NCOA3: variants seen among roughly 807,000 people sequenced by gnomAD.
NCOA3 encodes the protein nuclear receptor coactivator 3, also known as CBP-interacting protein.
In NCOA3, 51 loss-of-function variants were observed where a neutral mutation model predicts 158.8. The ratio of observed to expected loss-of-function variants is 0.32; its 90% CI spans 0.26 to 0.41. The LOEUF (loss-of-function observed/expected upper bound fraction) is 0.41. Among genes scored for constraint, NCOA3 ranks in the 10% least tolerant of loss-of-function variants. The probability of loss-of-function intolerance (pLI) is 1.00; values close to 1 mark genes in which losing one functional copy is unlikely to be tolerated. For synonymous variants in NCOA3, 537 were observed against 592.4 expected (o/e 0.91, Z 1.36); for missense variants, 1,510 against 1,746.6 (o/e 0.86, Z 2.41).
intron 19 of NCOA3, among the ~76,000 whole-genome samples, chr20:47,650,454 T>G (rs2086764312): frequency 1.3e-5 from 2 of 151,794 alleles, no homozygotes; most frequent in Non-Finnish European, 2.9e-5. Context: ...TTTCACCATT[T>G]TGGCCAGGCT....
chr20:47,542,377 A>T (rs981102584), intron 1 of NCOA3, among the ~76,000 whole-genome samples: 14 of 151,874 alleles, frequency 9.2e-5, no homozygotes, highest in Admixed American at 4.6e-4. Flanking sequence ...TTTGCAAAGT[A>T]TGTCTTTGTG....
chr20:47,599,297 A>G lies in NCOA3; in HGVS notation c.-20+16036A>G, dbSNP rs900059460. On this transcript the variant is annotated intron_variant, in intron 2 of 22. Transcript: ENST00000371998. ...ATGCCATTTATATTAAATGTCCTGA[A>G]TAGGTAAATCCATAAAGACGCAAAT... 8.5e-5 allele frequency among the ~76,000 whole-genome samples: 13 copies of G among 152,162 alleles called. 1 individual carries two copies. The highest frequency in any genetic ancestry group is 6.6e-4 in the Admixed American group (10 of 15,264).
chr20:47,586,086 A>AT (rs2085531558), intron 2 of NCOA3, among the ~76,000 whole-genome samples: 1 of 151,708 alleles, frequency 6.6e-6, no homozygotes, highest in Non-Finnish European at 1.5e-5. Flanking sequence ...TGCCCGGCTA[A>AT]TTTTGTATTT....
chr20:47,620,617 T>G (rs2086224367), intron 2 of NCOA3, among the ~76,000 whole-genome samples: 1 of 152,196 alleles, frequency 6.6e-6, no homozygotes, highest in African/African-American at 2.4e-5. Flanking sequence ...ACTCACTCAT[T>G]ATATATGCAA....
intron 2 of NCOA3, among the ~76,000 whole-genome samples, chr20:47,602,234 C>A (rs1470763711): frequency 6.6e-6 from 1 of 152,132 alleles, no homozygotes; most frequent in Non-Finnish European, 1.5e-5. Flanking sequence ...AATTTCATTA[C>A]CATAAAATTT....
intron 1 of NCOA3, among the ~76,000 whole-genome samples, chr20:47,519,398 C>T (rs1256418104): frequency 6.6e-6 from 1 of 151,492 alleles, no homozygotes; most frequent in East Asian, 1.9e-4. Flanking sequence ...CACCATTGTA[C>T]TCCAGCCTGG....
chr20:47,544,346 C>G, intron 1 of NCOA3, among the ~76,000 whole-genome samples: 1 of 115,496 alleles, frequency 8.7e-6, no homozygotes, highest in Admixed American at 1.1e-4. Context: ...TTCCCTTAAA[C>G]GCAGGGTCTC....
chr20:47,632,587 C>T (rs2086438226), intron 8 of NCOA3, among the ~76,000 whole-genome samples: 1 of 151,838 alleles, frequency 6.6e-6, no homozygotes. Context: ...GGGGTTTCAC[C>T]ATGTTGACCA....
At chr20:47,593,334 ATTTTTTTTTTTTTT>A (rs71183267) in intron 2 of NCOA3, among the ~76,000 whole-genome samples, 3 of 63,754 alleles carry the variant, frequency 4.7e-5, no homozygotes, top group South Asian at 6.0e-4. Flanking sequence ...GAGTTGATGG[ATTTTTTTTTTTTTT>A]TTTTTTTTTT....
At chr20:47,580,030 C>T (rs1464808470) in intron 1 of NCOA3, among the ~76,000 whole-genome samples, 2 of 152,144 alleles carry the variant, frequency 1.3e-5, no homozygotes, top group African/African-American at 4.8e-5. Flanking sequence ...TTAGATTCCA[C>T]CCATGGTTGC....
chr20:47,515,904 T>C (rs1453105717), intron 1 of NCOA3, among the ~76,000 whole-genome samples: 1 of 152,214 alleles, frequency 6.6e-6, no homozygotes, highest in African/African-American at 2.4e-5. Context: ...GAAGAAAACT[T>C]TAAGTTTTCA....
chr20:47,566,375 TTATATAGC>T (rs2085195351), intron 1 of NCOA3, among the ~76,000 whole-genome samples: 1 of 100,528 alleles, frequency 9.9e-6, no homozygotes, highest in Non-Finnish European at 2.7e-5. Context: ...AAATCCACCA[TTATATAGC>T]GCTATCTGTC....
chr20:47,560,694 G>GT (rs1164112464), intron 1 of NCOA3, among the ~76,000 whole-genome samples: 2 of 152,122 alleles, frequency 1.3e-5, no homozygotes, highest in Non-Finnish European at 2.9e-5. Context: ...TGTATCTTCA[G>GT]TGAGGTGTCT....
Position 47,545,962 on chromosome 20 carries a change from A to G in NCOA3, c.-98-37221A>G, listed in dbSNP as rs1462439378. On this transcript the variant is annotated intron_variant, in intron 1 of 22. Coordinates refer to ENST00000371998, the MANE Select transcript of NCOA3 (RefSeq NM_181659.3). ...ACTCCTGAGCTCAAGTGATCCTCCC[A>G]CCTCAACCTTCCAAAGTGTTGGGAT... 2.0e-5 allele frequency among the ~76,000 whole-genome samples: 3 copies of G among 151,292 alleles called. No homozygotes were observed. In the East Asian group the frequency reaches 5.9e-4, roughly 30 times the overall value.
At chr20:47,565,270 G>A (rs758456100) in intron 1 of NCOA3, among the ~76,000 whole-genome samples, 4 of 152,034 alleles carry the variant, frequency 2.6e-5, no homozygotes, top group African/African-American at 4.8e-5. Flanking sequence ...CATGAGCCAC[G>A]GTGCCTGGCC....
At chr20:47,616,106 C>T (rs2086127943) in intron 2 of NCOA3, among the ~76,000 whole-genome samples, 3 of 147,984 alleles carry the variant, frequency 2.0e-5, no homozygotes, top group Admixed American at 6.7e-5. Context: ...TGCAGTGAGC[C>T]GAGATTGCAC....
Position 47,568,292 on chromosome 20 carries a change from C to G in NCOA3, c.-98-14891C>G, listed in dbSNP as rs373864466. Among the ~76,000 whole-genome samples the G allele has an allele frequency of 4.6e-5, 7 of 152,062 alleles. No individual in the cohort carries two copies. The East Asian group carries it at 1.4e-3, about 29-fold the overall frequency. ...AAGAAGCTAGGCAGCTACTGTAAGTCTGTACTTTTTTTCTGTTATCTTTGG... is the reference window on the plus strand; with the variant it reads ...AAGAAGCTAGGCAGCTACTGTAAGTGTGTACTTTTTTTCTGTTATCTTTGG... On this transcript the variant is annotated intron_variant, in intron 1 of 22. Transcript: ENST00000371998.
At chr20:47,520,814 C>T (rs761827616) in intron 1 of NCOA3, among the ~76,000 whole-genome samples, 4 of 152,198 alleles carry the variant, frequency 2.6e-5, no homozygotes, top group Non-Finnish European at 5.9e-5. Context: ...GGCTGCTCCC[C>T]TGAGGGAGAA....
At chr20:47,506,682 C>T (rs986074838) in intron 1 of NCOA3, among the ~76,000 whole-genome samples, 3 of 152,142 alleles carry the variant, frequency 2.0e-5, no homozygotes, top group Non-Finnish European at 2.9e-5. Flanking sequence ...ACAGGTTTTA[C>T]CCATTTAAAG....
Sources: allele counts gnomAD v4.1 joint callset (sites outside exome capture counted in the v4.1 genomes callset), GRCh38; gene constraint gnomAD v4.1.1; transcripts MANE v1.5; gene names NCBI Gene and HGNC (gene_info 2026-07-23, HGNC 2026-07-21).